The following SLC9A8 variants were observed in gnomAD, a reference collection of about 807,000 sequenced individuals.
SLC9A8 encodes the protein solute carrier family 9 member A8.
SLC9A8 carries 48 observed loss-of-function variants against 66.6 expected under a neutral mutation model. That is an observed-to-expected ratio of 0.72 (90% CI 0.57 to 0.92). The LOEUF (loss-of-function observed/expected upper bound fraction) is 0.92. Among genes scored for constraint, SLC9A8 ranks in the 40% least tolerant of loss-of-function variants. SLC9A8 has a pLI of 0.00. For missense variants in SLC9A8, 599 were observed against 747.3 expected, an observed-to-expected ratio of 0.80 and a Z score of 2.31; for synonymous variants, 274 against 282.6, an observed-to-expected ratio of 0.97 and a Z score of 0.31.
chr20:49,884,221 C>CACACACACACACG lies in SLC9A8; in HGVS notation c.1491+167_1491+168insGACACACACACAC, dbSNP rs1568882853. ...CACGACACACACACACACACACACACACACACACACACACACACACGACAC... is the reference window on the plus strand; with the variant it reads ...CACGACACACACACACACACACACACACACACACACACGACACACACACACACACACACGACAC... On this transcript the variant is annotated intron_variant, in intron 14 of 15. Transcript: ENST00000361573. The CACACACACACACG allele has an allele frequency of 1.0e-3, 303 of 289,158 alleles. 6 individuals are homozygous for CACACACACACACG. Among genetic ancestry groups the CACACACACACACG allele is most frequent in the East Asian group, 7.5e-3 (108 of 14,338 alleles). 17.9% of individuals were successfully genotyped at this position (289,158 alleles called of 1,614,324 possible). A position where few individuals can be genotyped will look rare whatever the true frequency, so the allele number is the denominator to read the frequency against.
At chr20:49,822,466 A>G (rs1600637835) in intron 2 of SLC9A8, among the ~76,000 whole-genome samples, 1 of 152,212 alleles carries the variant, frequency 6.6e-6, no homozygotes, top group South Asian at 2.1e-4. Context: ...AAATAATTTT[A>G]TAAGGTTTAA....
chr20:49,829,875 C>T (rs1426020759), intron 3 of SLC9A8: 2 of 568,172 alleles, frequency 3.5e-6, no homozygotes, highest in East Asian at 4.5e-5. Context: ...AAGGGGGTGT[C>T]TTCGGGCTCT....
At chr20:49,872,104 A>G (rs1246716215) in intron 10 of SLC9A8, among the ~76,000 whole-genome samples, 2 of 152,290 alleles carry the variant, frequency 1.3e-5, no homozygotes, top group East Asian at 3.9e-4. Flanking sequence ...GGGTGACAAG[A>G]GTGAAACTCC....
In SLC9A8 at chr20:49,863,022, T is replaced by C. The variant is rs199521924; in HGVS notation, c.807T>C (p.Phe269=). ...TTGACTACTTCCTCAAAATGTTCTT[T>C]GGCTCTGCAGCGCTCGGCACTCTCA... is the stretch of plus-strand genomic sequence containing the variant. ...QALDYFLKMF[F]GSAALGTLTG... is the part of the protein sequence containing the mutation. Residue 269 remains phenylalanine (F), a synonymous_variant, in exon 9 of 16, where the codon TTT becomes TTC. Coordinates refer to ENST00000361573, the MANE Select transcript of SLC9A8 (RefSeq NM_015266.3). 3.3e-4 allele frequency: 533 copies of C among 1,614,150 alleles called. 2 individuals are homozygous for C. The highest frequency in any genetic ancestry group is 4.4e-4 in the Non-Finnish European group (515 of 1,179,976).
At chr20:49,834,210 TATATAC>T (rs1237153607) in intron 3 of SLC9A8, among the ~76,000 whole-genome samples, 38 of 94,894 alleles carry the variant, frequency 4.0e-4, no homozygotes, top group African/African-American at 1.5e-3. Context: ...TATATATATA[TATATAC>T]ACACACACAC....
At chr20:49,835,650 G>A (rs948477694) in intron 3 of SLC9A8, among the ~76,000 whole-genome samples, 2 of 143,708 alleles carry the variant, frequency 1.4e-5, no homozygotes, top group African/African-American at 5.2e-5. Context: ...CAGCTTTATT[G>A]AGATGTACTT....
At chr20:49,872,217 G>C (rs921285254) in intron 10 of SLC9A8, among the ~76,000 whole-genome samples, 2 of 152,180 alleles carry the variant, frequency 1.3e-5, no homozygotes, top group Non-Finnish European at 2.9e-5. Flanking sequence ...CGCCCACCAT[G>C]TCAGGTGTGT....
In SLC9A8 at chr20:49,880,929, T is replaced by C. The variant is rs1373383513; in HGVS notation, c.1164T>C (p.Leu388=). Residue 388 remains leucine, a synonymous_variant, in exon 13 of 16, where the codon CTT becomes CTC. Coordinates refer to ENST00000361573, the MANE Select transcript of SLC9A8 (RefSeq NM_015266.3). ...TAGTTTGTTGCTATCAACAGGTGCTTGTACTATTTGGCAGAGCGGTAAACA... is the reference window on the plus strand; with the variant it reads ...TAGTTTGTTGCTATCAACAGGTGCTCGTACTATTTGGCAGAGCGGTAAACA... The part of the protein sequence containing the change: ...EISFVIWCIV[L]VLFGRAVNIF... The C allele has an allele frequency of 6.2e-7, 1 of 1,609,776 alleles. No individual in the cohort carries two copies. Among genetic ancestry groups the C allele is most frequent in the Admixed American group, 1.7e-5 (1 of 60,018 alleles).
intron 3 of SLC9A8, chr20:49,829,797 C>T (rs1270257396): frequency 1.8e-6 from 1 of 553,006 alleles, no homozygotes; most frequent in African/African-American, 1.9e-5. Flanking sequence ...GCAGGCCAAA[C>T]TCAGGTGATG....
chr20:49,884,853 G>T lies in SLC9A8; in HGVS notation c.1491+787G>T, dbSNP rs565650635. On this transcript the variant is annotated intron_variant, in intron 14 of 15. Coordinates refer to ENST00000361573, the MANE Select transcript of SLC9A8 (RefSeq NM_015266.3). ...CCTCAGGACCCCTGTGCAAAGCTAGGCCCTCTGACCGAAGCAGAGGCTGCT... is the reference window on the plus strand; with the variant it reads ...CCTCAGGACCCCTGTGCAAAGCTAGTCCCTCTGACCGAAGCAGAGGCTGCT... 2.8e-4 allele frequency among the ~76,000 whole-genome samples: 43 copies of T among 152,298 alleles called. 1 individual carries two copies. Among genetic ancestry groups the T allele is most frequent in the African/African-American group, 9.6e-4 (40 of 41,560 alleles).
intron 3 of SLC9A8, among the ~76,000 whole-genome samples, chr20:49,825,362 C>T (rs374069983): frequency 6.6e-6 from 1 of 152,236 alleles, no homozygotes; most frequent in South Asian, 2.1e-4. Context: ...ATAAATTGGC[C>T]AGGCGCGGTG....
In SLC9A8 at chr20:49,848,256, G is replaced by A. The variant is rs150719150; in HGVS notation, c.433-1323G>A. ...TTTTTAAATAACAAAAGAAAACAGC[G>A]ATTTGCAAAGAGCAACTCATAGATT... On this transcript the variant is annotated intron_variant, in intron 5 of 15. Transcript: ENST00000361573. Among the ~76,000 whole-genome samples the A allele has an allele frequency of 4.3e-3, 650 of 152,134 alleles. 3 individuals are homozygous for A. The highest frequency in any genetic ancestry group is 0.015 in the African/African-American group (626 of 41,502).
rs1568820977 is a variant in SLC9A8 at position 49,838,596 on chromosome 20, C to T, written c.290-945C>T. 2.0e-5 allele frequency among the ~76,000 whole-genome samples: 3 copies of T among 152,188 alleles called. No individual in the cohort carries two copies. In the South Asian group the frequency reaches 6.2e-4, roughly 32 times the overall value. On this transcript the variant is annotated intron_variant, in intron 3 of 15. Transcript: ENST00000361573. ...CCCTGAGGTAGTTTTAGTGCACGTC[C>T]TTTTCCTGCTCAGCTTCTGTGTTCT...
At chr20:49,854,864 G>A (rs1471815341) in intron 7 of SLC9A8, among the ~76,000 whole-genome samples, 1 of 152,180 alleles carries the variant, frequency 6.6e-6, no homozygotes, top group Non-Finnish European at 1.5e-5. Context: ...TATCTGCTGG[G>A]GGTGATAAGA....
chr20:49,878,942 G>C (rs930492483), intron 12 of SLC9A8, among the ~76,000 whole-genome samples: 1 of 152,110 alleles, frequency 6.6e-6, no homozygotes, highest in Non-Finnish European at 1.5e-5. Context: ...GCTTGAACCC[G>C]GGAGGCGGAG....
Position 49,834,386 on chromosome 20 carries a change from G to GTATATATATATATAC in SLC9A8, c.290-5154_290-5153insATATATATATATACT, listed in dbSNP as rs1305272959. 1.4e-3 allele frequency among the ~76,000 whole-genome samples: 51 copies of GTATATATATATATAC among 37,212 alleles called. 8 individuals carry two copies. Among genetic ancestry groups the GTATATATATATATAC allele is most frequent in the South Asian group, 9.9e-3 (16 of 1,612 alleles). 24.4% of individuals were successfully genotyped at this position (37,212 alleles called of 152,430 possible). The stretch of plus-strand genomic sequence containing the variant: ...TATACTGTGTATATATATATATACT[G>GTATATATATATATAC]TGTATATATATATACTGTGTATATA... On this transcript the variant is annotated intron_variant, in intron 3 of 15. Coordinates refer to ENST00000361573, the MANE Select transcript of SLC9A8 (RefSeq NM_015266.3).
intron 12 of SLC9A8, among the ~76,000 whole-genome samples, chr20:49,880,263 C>A (rs1341528545): frequency 4.4e-3 from 564 of 129,404 alleles, no homozygotes; most frequent in South Asian, 5.7e-3. Context: ...GACTTTGTCT[C>A]AAAAAAAAAA....
intron 8 of SLC9A8, among the ~76,000 whole-genome samples, chr20:49,858,970 GAAA>G (rs1568848555): frequency 2.6e-5 from 3 of 113,590 alleles, no homozygotes; most frequent in African/African-American, 1.7e-4. Context: ...AAAAAAAAAA[GAAA>G]GAAAAGAAAC....
rs910260610 is a variant in SLC9A8 at position 49,890,419 on chromosome 20, T to C, written c.*2483T>C. 16 of 152,318 alleles carry C rather than the reference T, an allele frequency of 1.1e-4. No individual in the cohort carries two copies. Among genetic ancestry groups the C allele is most frequent in the Admixed American group, 8.5e-4 (13 of 15,298 alleles). The allele number at this position is 152,318 out of a possible 1,614,324, so 9.4% of individuals were successfully genotyped here. A position where few individuals can be genotyped will look rare whatever the true frequency, so the allele number is the denominator to read the frequency against. On this transcript the variant is annotated 3_prime_UTR_variant, in exon 16 of 16. Transcript: ENST00000361573. ...TATCTTCCTGCGTGTGTATTTATTT[T>C]CTTCTGGGTCTAGGCCATGGTACAG...
Sources: gnomAD v4.1 joint callset for allele counts (sites outside exome capture counted in the v4.1 genomes callset) on GRCh38, gnomAD v4.1.1 for gene constraint, MANE v1.5 for transcripts, NCBI Gene and HGNC (gene_info 2026-07-23, HGNC 2026-07-21) for gene names.